ADCY3: variants seen among roughly 807,000 people sequenced by gnomAD.
The protein encoded by ADCY3 is adenylate cyclase 3, also known as adenylate cyclase type 3.
In ADCY3, 70 loss-of-function variants were observed where a neutral mutation model predicts 119.4. The ratio of observed to expected loss-of-function variants is 0.59; its 90% CI spans 0.48 to 0.72. The LOEUF (loss-of-function observed/expected upper bound fraction) is 0.72. ADCY3 is among the 30% of genes least tolerant of loss of function. The pLI is 0.00. For synonymous variants in ADCY3, 672 were observed against 621.4 expected, an observed-to-expected ratio of 1.08 and a Z score of -1.21; for missense variants, 1,238 against 1,541.6, an observed-to-expected ratio of 0.80 and a Z score of 3.30.
At chr2:24,887,189 C>T (rs145376838) in intron 2 of ADCY3, among the ~76,000 whole-genome samples, 18 of 152,178 alleles carry the variant, frequency 1.2e-4, no homozygotes, top group African/African-American at 4.1e-4. Context: ...ACGTGCCGAG[C>T]GAAAGGGGAA....
Position 24,821,550 on chromosome 2 carries a change from T to C in ADCY3, c.3094A>G (p.Asn1032Asp), listed in dbSNP as rs764082862. ...AMKDTLTNIN[N>D]QSFNNFMLRI... The stretch of plus-strand genomic sequence containing the variant: ...AGCATGAAGTTATTGAAGGACTGGT[T>C]GTTGATGTTGGTGAGCGTATCCTTC... Residue 1032 changes from asparagine (N) to aspartate (D), a missense_variant, in exon 20 of 22, where the codon AAC becomes GAC. By Grantham distance (23) the Asn-to-Asp change is conservative (BLOSUM62 1). Coordinates refer to ENST00000679454, the MANE Select transcript of ADCY3 (RefSeq NM_004036.5). 2 of 1,614,106 alleles carry C rather than the reference T, an allele frequency of 1.2e-6. No individual in the cohort carries two copies. Among genetic ancestry groups the C allele is most frequent in the Non-Finnish European group, 1.7e-6 (2 of 1,180,018 alleles).
chr2:24,838,643 C>T, intron 7 of ADCY3, 21 bp from the exon 8 acceptor site: 2 of 1,612,432 alleles, frequency 1.2e-6, no homozygotes, highest in Non-Finnish European at 1.7e-6. Flanking sequence ...GAGAGAGAGG[C>T]CCTGAGCGTC....
In ADCY3 at chr2:24,852,637, G is replaced by A. The variant is rs150618488; in HGVS notation, c.826-10253C>T. Among the ~76,000 whole-genome samples, 460 of 152,346 alleles carry A rather than the reference G, an allele frequency of 3.0e-3. 2 individuals are homozygous for A. The highest frequency in any genetic ancestry group is 0.011 in the African/African-American group (440 of 41,568). On this transcript the variant is annotated intron_variant, in intron 3 of 21. Coordinates refer to ENST00000679454, the MANE Select transcript of ADCY3 (RefSeq NM_004036.5). ...CTGAGCGTGAGAGGCCTGATGCCAG[G>A]ACAGCCCCGGACCTCGACAGAGGCC... is the stretch of plus-strand genomic sequence containing the variant.
At chr2:24,823,386 G>C (rs757482992) in intron 17 of ADCY3, 31 bp from the exon 18 acceptor site, 1 of 1,605,348 alleles carries the variant, frequency 6.2e-7, no homozygotes, top group Non-Finnish European at 8.5e-7. Context: ...CGTGCTCAAA[G>C]CATGTCCGAC....
In ADCY3 at chr2:24,827,912, GAA is replaced by G; in HGVS notation, c.2420_2421del (p.Phe807SerfsTer24). Reference protein sequence around the residue: ...PVFDEYDHKRFREHDLPMVAL... With the variant: ...PVFDEYDHKRXREHDLPMVAL... ...CACGCTTCATCTTACTCGTGCTCCC[GAA>G]AACGCTTGTGGTCGTATTCATCAAA... On this transcript the variant is annotated frameshift_variant, in exon 14 of 22. Coordinates refer to ENST00000679454, the MANE Select transcript of ADCY3 (RefSeq NM_004036.5). LOFTEE classifies it high-confidence loss of function. The G allele has an allele frequency of 6.2e-7, 1 of 1,614,114 alleles. No homozygotes were observed. The highest frequency in any genetic ancestry group is 1.1e-5 in the South Asian group (1 of 91,084).
chr2:24,912,232 G>A (rs1354096714), intron 2 of ADCY3, among the ~76,000 whole-genome samples: 1 of 151,886 alleles, frequency 6.6e-6, no homozygotes, highest in Non-Finnish European at 1.5e-5. Flanking sequence ...GGAGGCCGAG[G>A]TGGGTGAACC....
chr2:24,848,243 A>G (rs1308738208), intron 3 of ADCY3, among the ~76,000 whole-genome samples: 1 of 152,252 alleles, frequency 6.6e-6, no homozygotes, highest in Non-Finnish European at 1.5e-5. Flanking sequence ...CCTTAACGGC[A>G]TTCTTAAGCC....
At chr2:24,911,668 A>ACC (rs1271408719) in intron 2 of ADCY3, among the ~76,000 whole-genome samples, 2 of 129,288 alleles carry the variant, frequency 1.5e-5, no homozygotes, top group Non-Finnish European at 3.1e-5. Context: ...ACACACACAC[A>ACC]CACACCACCA....
Position 24,834,954 on chromosome 2 carries a change from A to G in ADCY3, c.1663-18T>C. 6.2e-7 allele frequency: 1 copy of G among 1,611,368 alleles called. No homozygotes were observed. The highest frequency in any genetic ancestry group is 8.5e-7 in the Non-Finnish European group (1 of 1,179,256). On this transcript the variant is annotated intron_variant, in intron 9 of 21. Transcript: ENST00000679454. This position sits in a 1 kb window ranked among gnomAD's most constrained non-coding sequence, Gnocchi z 4.2. ...TTGTCGGCCTGTGAGCCAGGGAGGC[A>G]GCGTGAGTGGGGCAGATGGGACAGA... is the stretch of plus-strand genomic sequence containing the variant.
intron 15 of ADCY3, chr2:24,826,336 G>C: frequency 1.8e-6 from 1 of 550,268 alleles, no homozygotes; most frequent in South Asian, 2.4e-5. Context: ...GGCAACCCCT[G>C]GCCCCTCCTG....
intron 2 of ADCY3, among the ~76,000 whole-genome samples, chr2:24,877,191 C>T (rs1252250307): frequency 6.6e-6 from 1 of 152,254 alleles, no homozygotes; most frequent in Admixed American, 6.5e-5. Flanking sequence ...GTCCTCAGCC[C>T]ATCCTGGCCC....
chr2:24,838,434 G>A lies in ADCY3; in HGVS notation c.1533+11C>T, dbSNP rs1207133143. ...GTGGGTGGGGTGGGTGGGGTGGGGT[G>A]GGGAACTCACCGAGCCATTGAGGCC... On this transcript the variant is annotated intron_variant, in intron 8 of 21. Transcript: ENST00000679454. 1.2e-6 allele frequency: 2 copies of A among 1,607,916 alleles called. No homozygotes were observed. Among genetic ancestry groups the A allele is most frequent in the Non-Finnish European group, 1.7e-6 (2 of 1,178,286 alleles).
intron 2 of ADCY3, among the ~76,000 whole-genome samples, chr2:24,891,818 A>C (rs1677693205): frequency 6.6e-6 from 1 of 152,188 alleles, no homozygotes; most frequent in Non-Finnish European, 1.5e-5. Context: ...CAACTGTTAT[A>C]ACTGTTCTAT....
At position 24,822,554 on chromosome 2, in the gene ADCY3, A is replaced by G; in HGVS notation, c.2960T>C (p.Val987Ala). Residue 987 changes from valine to alanine, a missense_variant, in exon 19 of 22, where the codon GTC (valine) becomes GCC (alanine). By Grantham distance (64) the Val-to-Ala change is moderately conservative. Transcript: ENST00000679454. ...IGSTYMAASG[V>A]TPDVNTNGFA... ...GCCATTGGTGTTGACATCGGGGGTG[A>G]CTCCTGAAGCCGCCATATACGTGCT... 1 of 1,613,028 alleles carries G rather than the reference A, an allele frequency of 6.2e-7. No individual in the cohort carries two copies. The highest frequency in any genetic ancestry group is 8.5e-7 in the Non-Finnish European group (1 of 1,179,668).
At chr2:24,850,015 T>C (rs1005709184) in intron 3 of ADCY3, among the ~76,000 whole-genome samples, 41 of 152,216 alleles carry the variant, frequency 2.7e-4, no homozygotes, top group African/African-American at 9.6e-4. Context: ...TTAGGGTAGA[T>C]GAGCTGGACT....
intron 3 of ADCY3, among the ~76,000 whole-genome samples, chr2:24,857,286 C>T (rs889472020): frequency 6.6e-6 from 1 of 152,238 alleles, no homozygotes; most frequent in Admixed American, 6.5e-5. Flanking sequence ...AAGATGGCCA[C>T]GTGTGTGGTA....
intron 3 of ADCY3, among the ~76,000 whole-genome samples, chr2:24,864,460 A>T (rs1172650299): frequency 6.6e-6 from 1 of 151,966 alleles, no homozygotes; most frequent in Non-Finnish European, 1.5e-5. Context: ...CATTCCCAAT[A>T]GCAAAGCCGC....
intron 2 of ADCY3, among the ~76,000 whole-genome samples, chr2:24,897,844 G>C (rs6723803): frequency 0.53 from 79,769 of 151,698 alleles, 23,250 homozygotes; most frequent in African/African-American, 0.8. Context: ...CTCAGGTCAG[G>C]TCCTTGTATC....
At chr2:24,868,715 A>G (rs1185090563) in intron 3 of ADCY3, among the ~76,000 whole-genome samples, 1 of 151,586 alleles carries the variant, frequency 6.6e-6, no homozygotes, top group Non-Finnish European at 1.5e-5. Context: ...GCAATGACAA[A>G]GTTTAACTTA....
Sources: gnomAD v4.1 joint callset for allele counts (sites outside exome capture counted in the v4.1 genomes callset) on GRCh38, gnomAD v4.1.1 for gene constraint, Gnocchi (gnomAD v3.1) non-coding constraint, MANE v1.5 for transcripts, NCBI Gene and HGNC (gene_info 2026-07-23, HGNC 2026-07-21) for gene names.